PCDHA1: variants seen among roughly 807,000 people sequenced by gnomAD.
PCDHA1 encodes the protein protocadherin alpha-1.
In PCDHA1, 42 loss-of-function variants were observed where a neutral mutation model predicts 61.3. The observed-to-expected ratio is 0.69, with a 90% CI of 0.54 to 0.89. PCDHA1 has a LOEUF of 0.89. Among genes scored for constraint, PCDHA1 ranks in the 40% least tolerant of loss-of-function variants. The pLI, the probability that PCDHA1 is intolerant of heterozygous loss-of-function variation, is 0.00. For missense variants in PCDHA1, 1,256 were observed against 1,235.3 expected, an observed-to-expected ratio of 1.02 and a Z score of -0.25; for synonymous variants, 610 against 553.8, an observed-to-expected ratio of 1.10 and a Z score of -1.43.
chr5:140,985,416 G>A (rs1554247041), intron 3 of PCDHA1, among the ~76,000 whole-genome samples: 1 of 152,142 alleles, frequency 6.6e-6, no homozygotes, highest in Non-Finnish European at 1.5e-5. Flanking sequence ...GAAATGGAGT[G>A]AGGAGGATTT....
chr5:140,860,083 G>T (rs781794157), intron 1 of PCDHA1: 12 of 151,782 alleles, frequency 7.9e-5, no homozygotes, highest in Non-Finnish European at 1.5e-4. Context: ...GAGGCCAGGA[G>T]TTCAAGACCA....
chr5:140,838,077 A>AGT (rs2150283763), intron 1 of PCDHA1, among the ~76,000 whole-genome samples: 1,310 of 80,648 alleles, frequency 0.016, 14 homozygotes, highest in South Asian at 0.044. Context: ...ATATATATAT[A>AGT]GTGTGTGTGT....
chr5:140,990,518 T>G (rs2097397992), intron 3 of PCDHA1, among the ~76,000 whole-genome samples: 1 of 152,314 alleles, frequency 6.6e-6, no homozygotes, highest in South Asian at 2.1e-4. Context: ...CTCTCTTGTC[T>G]TTTTTGACTG....
intron 1 of PCDHA1, among the ~76,000 whole-genome samples, chr5:140,886,270 T>A (rs957205805): frequency 2.0e-5 from 3 of 151,996 alleles, no homozygotes; most frequent in Admixed American, 6.5e-5. Flanking sequence ...ATAGATAAAA[T>A]TTTTTAAAAT....
intron 1 of PCDHA1, chr5:140,848,567 G>C (rs2150412959): frequency 6.3e-7 from 1 of 1,595,646 alleles, no homozygotes; most frequent in Non-Finnish European, 8.6e-7. Flanking sequence ...TCGCAATGTG[G>C]GTGGTGGGGA....
At chr5:140,791,343 T>C (rs2149902866) in intron 1 of PCDHA1, among the ~76,000 whole-genome samples, 1 of 152,318 alleles carries the variant, frequency 6.6e-6, no homozygotes, top group Non-Finnish European at 1.5e-5. Flanking sequence ...TTACAGCAAT[T>C]ACATAAGCAC....
chr5:140,856,168 C>A, intron 1 of PCDHA1: 1 of 1,598,314 alleles, frequency 6.3e-7, no homozygotes, highest in Non-Finnish European at 8.6e-7. Context: ...AGGCCAGACA[C>A]GGCACCTTCG....
At chr5:140,938,536 G>T (rs1443736475) in intron 1 of PCDHA1, among the ~76,000 whole-genome samples, 2 of 140,060 alleles carry the variant, frequency 1.4e-5, no homozygotes, top group Non-Finnish European at 3.2e-5. Context: ...TGGATAATAT[G>T]GATTTTTATC....
At chr5:141,000,412 TATA>T (rs2097919742) in intron 3 of PCDHA1, among the ~76,000 whole-genome samples, 3 of 102,806 alleles carry the variant, frequency 2.9e-5, no homozygotes, top group African/African-American at 7.7e-5. Flanking sequence ...TATATATATA[TATA>T]TATATATTTT....
chr5:140,897,629 T>A (rs2066228656), intron 1 of PCDHA1, among the ~76,000 whole-genome samples: 1 of 152,116 alleles, frequency 6.6e-6, no homozygotes, highest in Non-Finnish European at 1.5e-5. Context: ...TACTATTGTG[T>A]ATAGTGCCAC....
intron 1 of PCDHA1, chr5:140,928,060 T>C: frequency 6.2e-7 from 1 of 1,614,204 alleles, no homozygotes; most frequent in Non-Finnish European, 8.5e-7. Flanking sequence ...GCTGACGGCT[T>C]CCTTTGACAA....
rs782030896 is a variant in PCDHA1, at chr5:140,857,680, G to C, written c.2394+68996G>C. ...CGCGCGATGGGGGCGTGCCGCCTCT[G>C]GGCAGCAACTTGACGCTGCAGGTGT... On this transcript the variant is annotated intron_variant, in intron 1 of 3. Coordinates refer to ENST00000504120, the MANE Select transcript of PCDHA1 (RefSeq NM_018900.4). 20 of 1,597,122 alleles carry C rather than the reference G, an allele frequency of 1.3e-5. 2 individuals are homozygous for C. Among genetic ancestry groups the C allele is most frequent in the South Asian group, 2.2e-5 (2 of 90,508 alleles).
Position 140,787,692 on chromosome 5 carries a change from A to G in PCDHA1, c.1402A>G (p.Asn468Asp), listed in dbSNP as rs1554117934. Residue 468 changes from asparagine (N) to aspartate (D), a missense_variant, in exon 1 of 4, where the codon AAC becomes GAC. Asn to Asp is a conservative substitution (Grantham distance 23). Coordinates refer to ENST00000504120, the MANE Select transcript of PCDHA1 (RefSeq NM_018900.4). Reference sequence around the variant, plus strand: ...GTACACAGTATTCGTGAAGGAGAACAACCCGCCGGGCTGCCACATCTTCAC... The same window carrying G: ...GTACACAGTATTCGTGAAGGAGAACGACCCGCCGGGCTGCCACATCTTCAC... The part of the protein sequence containing the change: ...PEYTVFVKEN[N>D]PPGCHIFTVS... The G allele has an allele frequency of 6.2e-7, 1 of 1,613,792 alleles. No homozygotes were observed. Among genetic ancestry groups the G allele is most frequent in the East Asian group, 2.2e-5 (1 of 44,880 alleles).
chr5:140,806,506 T>C (rs781804257), intron 1 of PCDHA1, among the ~76,000 whole-genome samples: 1 of 152,220 alleles, frequency 6.6e-6, no homozygotes, highest in Non-Finnish European at 1.5e-5. Context: ...AAGGAAGACA[T>C]CTAATTAAAT....
chr5:140,838,630 TG>T (rs1775811186), intron 1 of PCDHA1, among the ~76,000 whole-genome samples: 3 of 152,046 alleles, frequency 2.0e-5, no homozygotes, highest in African/African-American at 7.3e-5. Flanking sequence ...ACAAATAATT[TG>T]GTTGGTCAAA....
rs573174481 is a variant in PCDHA1 at position 140,990,482 on chromosome 5, T to C, written c.2542+7919T>C. Among the ~76,000 whole-genome samples, 3 of 152,318 alleles carry C rather than the reference T, an allele frequency of 2.0e-5. No homozygotes were observed. In the South Asian group the frequency reaches 6.2e-4, roughly 32 times the overall value. On this transcript the variant is annotated intron_variant, in intron 3 of 3. Transcript: ENST00000504120. ...AGGTGGTATCATGTATCAAGCTGAA[T>C]AGTGAGGTGACATTCCCCAAGTCTT... is the stretch of plus-strand genomic sequence containing the variant.
chr5:140,898,161 T>G (rs1208656854), intron 1 of PCDHA1, among the ~76,000 whole-genome samples: 1 of 152,216 alleles, frequency 6.6e-6, no homozygotes, highest in Non-Finnish European at 1.5e-5. Context: ...CTGATGGTGG[T>G]TTCTTTTGCT....
At chr5:140,803,635 C>A (rs1763253156) in intron 1 of PCDHA1, 2 of 1,613,642 alleles carry the variant, frequency 1.2e-6, no homozygotes, top group Non-Finnish European at 8.5e-7. Flanking sequence ...CTTTGTTTTT[C>A]ATTCCTCAAT....
chr5:140,884,484 T>C, intron 1 of PCDHA1: 2 of 1,613,922 alleles, frequency 1.2e-6, no homozygotes, highest in Non-Finnish European at 1.7e-6. Context: ...AAGCCCACTC[T>C]AGTGTGCTCC....
Sources: allele counts gnomAD v4.1 joint callset (sites outside exome capture counted in the v4.1 genomes callset), GRCh38; gene constraint gnomAD v4.1.1; transcripts MANE v1.5; gene names NCBI Gene and HGNC (gene_info 2026-07-23, HGNC 2026-07-21).